The following GRID2IP variants were observed in gnomAD, a reference collection of about 807,000 sequenced individuals.
GRID2IP encodes the protein delphilin.
A neutral mutation model predicts 114.3 loss-of-function variants in GRID2IP; 78 were observed. That is an observed-to-expected ratio of 0.68 (90% confidence interval 0.57 to 0.82). The LOEUF (loss-of-function observed/expected upper bound fraction) is 0.82. Among genes scored for constraint, GRID2IP ranks in the 40% least tolerant of loss-of-function variants. The pLI is 0.00. For missense variants in GRID2IP, 1,727 were observed against 1,678.5 expected, an observed-to-expected ratio of 1.03 and a Z score of -0.51; for synonymous variants, 809 against 724.0, an observed-to-expected ratio of 1.12 and a Z score of -1.89.
intron 8 of GRID2IP, among the ~76,000 whole-genome samples, chr7:6,511,701 A>G (rs1779166244): frequency 6.6e-6 from 1 of 151,858 alleles, no homozygotes; most frequent in South Asian, 2.1e-4. Flanking sequence ...GCCTACGCAG[A>G]TATGTAAGGC....
In GRID2IP at chr7:6,509,806, C is replaced by G. The variant is rs1325278602; in HGVS notation, c.1771+477G>C. Among the ~76,000 whole-genome samples, 1 of 152,190 alleles carries G rather than the reference C, an allele frequency of 6.6e-6. No individual in the cohort carries two copies. The highest frequency in any genetic ancestry group is 1.5e-5 in the Non-Finnish European group (1 of 68,032). ...TAACCACTTGCTAACTCGGGGACTT[C>G]CTCAGAATCAGGCATCTGCCTTCTT... On this transcript the variant is annotated intron_variant, in intron 11 of 21. Coordinates refer to ENST00000457091, the MANE Select transcript of GRID2IP (RefSeq NM_001145118.2). The surrounding 1 kb of genome is among the most constrained non-coding windows in gnomAD (Gnocchi z 4.9).
chr7:6,511,323 G>A (rs977015162), intron 8 of GRID2IP, among the ~76,000 whole-genome samples: 3 of 152,162 alleles, frequency 2.0e-5, no homozygotes, highest in South Asian at 2.1e-4. Flanking sequence ...AACGCCCTGT[G>A]CTTGCCCCAG....
chr7:6,504,381 C>T (rs1217168467), intron 15 of GRID2IP, among the ~76,000 whole-genome samples: 1 of 108,728 alleles, frequency 9.2e-6, no homozygotes, highest in Non-Finnish European at 1.9e-5. Flanking sequence ...GCGGGGCCTG[C>T]GAGGGGTGCC....
Position 6,534,264 on chromosome 7 carries a change from C to G in GRID2IP, c.584+5454G>C, listed in dbSNP as rs1583350608. Among the ~76,000 whole-genome samples the G allele has an allele frequency of 6.6e-6, 1 of 152,122 alleles. No individual in the cohort carries two copies. Among genetic ancestry groups the G allele is most frequent in the East Asian group, 1.9e-4 (1 of 5,190 alleles). Reference sequence around the variant, plus strand: ...AGCTTCTACCATGACCTGCCCCTGACCTGACACCCCGTTCCCCCCACGCCA... The same window carrying G: ...AGCTTCTACCATGACCTGCCCCTGAGCTGACACCCCGTTCCCCCCACGCCA... On this transcript the variant is annotated intron_variant, in intron 2 of 21. Transcript: ENST00000457091. The surrounding 1 kb of genome is among the most constrained non-coding windows in gnomAD (Gnocchi z 4.5).
Position 6,506,679 on chromosome 7 carries a change from G to GTTTTTTTTTTTTT in GRID2IP, c.2545-773_2545-772insAAAAAAAAAAAAA, listed in dbSNP as rs750118370. Among the ~76,000 whole-genome samples, 1 of 127,294 alleles carries GTTTTTTTTTTTTT rather than the reference G, an allele frequency of 7.9e-6. No individual in the cohort carries two copies. 83.5% of individuals were successfully genotyped at this position (127,294 alleles called of 152,430 possible). A position where few individuals can be genotyped will look rare whatever the true frequency, so the allele number is the denominator to read the frequency against. On this transcript the variant is annotated intron_variant, in intron 13 of 21. Transcript: ENST00000457091. The surrounding 1 kb of genome is among the most constrained non-coding windows in gnomAD (Gnocchi z 5.2). ...TTATTTGTGCCCTTGTCTCACTGAG[G>GTTTTTTTTTTTTT]TATTTTTTTTTTTTTTTTTTTAGAT...
chr7:6,504,733 G>C (rs960524464), intron 15 of GRID2IP, 60 bp downstream of exon 15: 9 of 1,321,836 alleles, frequency 6.8e-6, no homozygotes, highest in Non-Finnish European at 9.6e-6. Context: ...GCAGGTCTGA[G>C]GCCCAGAGAA....
At position 6,539,858 on chromosome 7, in the gene GRID2IP, C is replaced by G. The variant is rs1429562782; in HGVS notation, c.444G>C (p.Leu148Phe). Residue 148 changes from leucine (L) to phenylalanine (F), a missense_variant, in exon 2 of 22, where the codon TTG (leucine) becomes TTC (phenylalanine). Transcript: ENST00000457091. ...QEFSRKVDEI[L>F]GDQPTAKEQV... is the part of the protein sequence containing the mutation. ...GCTCCTTGGCAGTTGGCTGGTCCCC[C>G]AAGATTTCATCCACCTGCAAGGAGG... The G allele has an allele frequency of 1.3e-6, 2 of 1,551,154 alleles. No individual in the cohort carries two copies. The highest frequency in any genetic ancestry group is 1.4e-5 in the African/African-American group (1 of 73,018).
chr7:6,517,270 G>T (rs1182655766), intron 7 of GRID2IP, among the ~76,000 whole-genome samples: 1 of 151,580 alleles, frequency 6.6e-6, no homozygotes, highest in African/African-American at 2.4e-5. Context: ...TGTTAGCCAG[G>T]ATGGTCTCGA....
At chr7:6,505,479 C>G (rs781192275) in intron 14 of GRID2IP, among the ~76,000 whole-genome samples, 1 of 151,680 alleles carries the variant, frequency 6.6e-6, no homozygotes, top group African/African-American at 2.4e-5. Context: ...TCGATCCTCC[C>G]AACTCAGCCT....
rs918303666 is a variant in GRID2IP at position 6,510,354 on chromosome 7, A to T, written c.1700T>A (p.Phe567Tyr). ...AELESRLNSS[F>Y]KGKMGTVSKS... ...GGACACGGTCCCCATCTTCCCTTTG[A>T]AGCTGCTGTTCAGTCGAGACTCAAG... Residue 567 changes from phenylalanine (F) to tyrosine (Y), a missense_variant, in exon 11 of 22, where the codon TTC (phenylalanine) becomes TAC (tyrosine). Phe to Tyr is a conservative substitution (Grantham distance 22, BLOSUM62 3). Transcript: ENST00000457091. The T allele has an allele frequency of 6.5e-7, 1 of 1,547,170 alleles. No individual in the cohort carries two copies. Among genetic ancestry groups the T allele is most frequent in the East Asian group, 2.5e-5 (1 of 40,696 alleles).
intron 1 of GRID2IP, among the ~76,000 whole-genome samples, chr7:6,541,951 C>T (rs959248595): frequency 6.6e-6 from 1 of 152,114 alleles, no homozygotes; most frequent in African/African-American, 2.4e-5. Flanking sequence ...TAAATAATTG[C>T]AGTACATCCA....
In GRID2IP at chr7:6,497,526, G is replaced by A. The variant is rs1003878690; in HGVS notation, c.*248C>T. 2.4e-6 allele frequency: 1 copy of A among 411,822 alleles called. No individual in the cohort carries two copies. Among genetic ancestry groups the A allele is most frequent in the Non-Finnish European group, 4.3e-6 (1 of 230,270 alleles). The allele number at this position is 411,822 out of a possible 1,614,324, so 25.5% of individuals were successfully genotyped here. On this transcript the variant is annotated 3_prime_UTR_variant, in exon 22 of 22. Transcript: ENST00000457091. ...GAAGTGGGCCCAAGAAGCCGACAGA[G>A]CACGGTCCTCCATGTGCAGGCACAC...
chr7:6,511,735 G>C (rs1029698225), intron 8 of GRID2IP, among the ~76,000 whole-genome samples: 1 of 152,148 alleles, frequency 6.6e-6, no homozygotes, highest in Non-Finnish European at 1.5e-5. Flanking sequence ...CATGGATCCT[G>C]AGCTTCTCGC....
Position 6,514,514 on chromosome 7 carries a change from G to C in GRID2IP, c.1284C>G (p.Leu428=). 2.0e-6 allele frequency: 3 copies of C among 1,528,064 alleles called. No homozygotes were observed. The highest frequency in any genetic ancestry group is 2.6e-6 in the Non-Finnish European group (3 of 1,134,504). The allele number at this position is 1,528,064 out of a possible 1,614,324, so 94.7% of individuals were successfully genotyped here. The change falls in exon 8 of 22, where the codon CTC becomes CTG. Residue 428 remains leucine, a synonymous_variant. Transcript: ENST00000457091. The part of the protein sequence containing the change: ...SFFQHRNIDT[L]IVDVYPVLDT... Reference sequence around the variant, plus strand: ...CCAGCACAGGGTAGACGTCAACGATGAGGGTGTCGATGTTCCTGGGGGAAG... The same window carrying C: ...CCAGCACAGGGTAGACGTCAACGATCAGGGTGTCGATGTTCCTGGGGGAAG...
In GRID2IP at chr7:6,503,675, G is replaced by A; in HGVS notation, c.2723C>T (p.Ala908Val). 1 of 1,499,396 alleles carries A rather than the reference G, an allele frequency of 6.7e-7. No homozygotes were observed. 92.9% of individuals were successfully genotyped at this position (1,499,396 alleles called of 1,614,324 possible). ...KKAYNTSILL[A>V]HLKLSPAELR... ...CTCCGCGGGGCTCAGCTTCAGGTGT[G>A]CCAAGAGGATGGCTGCGGGCGGGGC... is the stretch of plus-strand genomic sequence containing the variant. The change falls in exon 16 of 22, where the codon GCA (alanine) becomes GTA (valine). Residue 908 changes from alanine to valine, a missense_variant. By Grantham distance (64) the Ala-to-Val change is moderately conservative. Transcript: ENST00000457091.
chr7:6,508,487 C>G lies in GRID2IP; in HGVS notation c.2128-86G>C. 1 of 1,533,974 alleles carries G rather than the reference C, an allele frequency of 6.5e-7. No individual in the cohort carries two copies. Among genetic ancestry groups the G allele is most frequent in the Admixed American group, 2.0e-5 (1 of 50,066 alleles). On this transcript the variant is annotated intron_variant, in intron 12 of 21. Transcript: ENST00000457091. This position sits in a 1 kb window ranked among gnomAD's most constrained non-coding sequence, Gnocchi z 5.6. ...TGCAAAGTGAAGGATCATGGGATAG[C>G]CTGGGACAAGGACAGGGCCATCTCA...
At chr7:6,505,635 C>T (rs1308115578) in intron 14 of GRID2IP, among the ~76,000 whole-genome samples, 185 bp downstream of exon 14, 2 of 152,206 alleles carry the variant, frequency 1.3e-5, no homozygotes, top group Non-Finnish European at 2.9e-5. Context: ...TCCCAAAGTG[C>T]TGGGATGACA....
intron 1 of GRID2IP, among the ~76,000 whole-genome samples, chr7:6,546,820 C>T (rs954832121): frequency 2.6e-5 from 4 of 152,122 alleles, no homozygotes; most frequent in Non-Finnish European, 2.9e-5. Flanking sequence ...TTGCATCCTG[C>T]CCTGTTTGGA....
chr7:6,506,679 GTATT>G lies in GRID2IP; in HGVS notation c.2545-776_2545-773del, dbSNP rs1786600322. 7.9e-6 allele frequency among the ~76,000 whole-genome samples: 1 copy of G among 127,284 alleles called. No homozygotes were observed. Among genetic ancestry groups the G allele is most frequent in the African/African-American group, 2.8e-5 (1 of 35,254 alleles). 83.5% of individuals were successfully genotyped at this position (127,284 alleles called of 152,430 possible). On this transcript the variant is annotated intron_variant, in intron 13 of 21. Transcript: ENST00000457091. This position sits in a 1 kb window ranked among gnomAD's most constrained non-coding sequence, Gnocchi z 5.2. ...TTATTTGTGCCCTTGTCTCACTGAGGTATTTTTTTTTTTTTTTTTTTAGATAGGG... is the reference window on the plus strand; with the variant it reads ...TTATTTGTGCCCTTGTCTCACTGAGGTTTTTTTTTTTTTTTTTAGATAGGG...
Sources: allele counts gnomAD v4.1 joint callset (sites outside exome capture counted in the v4.1 genomes callset), GRCh38; gene constraint gnomAD v4.1.1; non-coding constraint Gnocchi (gnomAD v3.1); transcripts MANE v1.5; gene names NCBI Gene and HGNC (gene_info 2026-07-23, HGNC 2026-07-21).